Variants in RAP1B observed in about 807,000 individuals in gnomAD.
The protein encoded by RAP1B is ras-related protein Rap-1b.
Under a neutral mutation model 27.5 loss-of-function variants are expected in RAP1B, and 1 was observed. The ratio of observed to expected loss-of-function variants is 0.04; its 90% CI spans 0.01 to 0.17. RAP1B has a LOEUF of 0.17. RAP1B is among the 10% of genes least tolerant of loss of function. The pLI, the probability that RAP1B is intolerant of heterozygous loss-of-function variation, is 1.00. For missense variants in RAP1B, 84 were observed against 214.8 expected (o/e 0.39, Z 3.81); for synonymous variants, 75 against 73.1 (o/e 1.03, Z -0.13).
In RAP1B at chr12:68,662,687, A is replaced by G. The variant is rs1458820939; in HGVS notation, c.*3438A>G. ...GTGTTTTACAATTAATACTCTTACT[A>G]TTACCTTAGAAGCCTTAAAAGTGCT... On this transcript the variant is annotated 3_prime_UTR_variant, in exon 8 of 8. Transcript: ENST00000250559. The G allele has an allele frequency of 6.6e-6, 1 of 152,114 alleles. No homozygotes were observed. Among genetic ancestry groups the G allele is most frequent in the Non-Finnish European group, 1.5e-5 (1 of 68,022 alleles). The allele number at this position is 152,114 out of a possible 1,614,324, so 9.4% of individuals were successfully genotyped here.
intron 1 of RAP1B, among the ~76,000 whole-genome samples, chr12:68,639,543 A>G (rs1872846908): frequency 6.6e-6 from 1 of 152,192 alleles, no homozygotes; most frequent in Admixed American, 6.5e-5. Context: ...TGCTTCAGAG[A>G]CATTTCCTTG....
chr12:68,626,966 G>C, intron 1 of RAP1B: 1 of 1,520,808 alleles, frequency 6.6e-7, no homozygotes, highest in Admixed American at 1.7e-5. Flanking sequence ...CAGTCACCAT[G>C]TCTTCAAACT....
At chr12:68,613,995 AATT>A (rs1027538185) in intron 1 of RAP1B, among the ~76,000 whole-genome samples, 1 of 152,246 alleles carries the variant, frequency 6.6e-6, no homozygotes, top group African/African-American at 2.4e-5. Flanking sequence ...GCAAAGAATT[AATT>A]ATTAAAATAA....
chr12:68,620,443 G>T (rs959269103), intron 1 of RAP1B, among the ~76,000 whole-genome samples: 1 of 151,698 alleles, frequency 6.6e-6, no homozygotes, highest in African/African-American at 2.4e-5. Context: ...GGCTGGTCCC[G>T]AACTCCTGAC....
In RAP1B at chr12:68,661,481, C is replaced by G. The variant is rs1428519346; in HGVS notation, c.*2232C>G. 2 of 152,058 alleles carry G rather than the reference C, an allele frequency of 1.3e-5. No individual in the cohort carries two copies. Among genetic ancestry groups the G allele is most frequent in the African/African-American group, 2.4e-5 (1 of 41,380 alleles). The allele number at this position is 152,058 out of a possible 1,614,324, so 9.4% of individuals were successfully genotyped here. On this transcript the variant is annotated 3_prime_UTR_variant, in exon 8 of 8. Transcript: ENST00000250559. ...CTAGGCCTAAGGATGTAGCAGCAAC[C>G]AAGATCAACTATAAAATGCTGCCCT... is the stretch of plus-strand genomic sequence containing the variant.
At chr12:68,614,958 A>G (rs965210500) in intron 1 of RAP1B, among the ~76,000 whole-genome samples, 1 of 152,210 alleles carries the variant, frequency 6.6e-6, no homozygotes, top group African/African-American at 2.4e-5. Context: ...TTTGTATGTA[A>G]TCTGTTGTAC....
chr12:68,616,426 T>G (rs1054419663), intron 1 of RAP1B, among the ~76,000 whole-genome samples: 4 of 148,536 alleles, frequency 2.7e-5, no homozygotes, highest in African/African-American at 9.9e-5. Context: ...CTGGGAATAC[T>G]GTGCCTGGCT....
At chr12:68,655,462 C>T (rs564036753) in intron 5 of RAP1B, among the ~76,000 whole-genome samples, 2 of 151,542 alleles carry the variant, frequency 1.3e-5, no homozygotes, top group Non-Finnish European at 2.9e-5. Context: ...ATAATTACAG[C>T]AACCTCAGGG....
intron 1 of RAP1B, among the ~76,000 whole-genome samples, chr12:68,623,893 C>T (rs1031388996): frequency 2.0e-5 from 3 of 152,116 alleles, no homozygotes; most frequent in Non-Finnish European, 2.9e-5. Context: ...TGGTGGCGCA[C>T]GCCAGTAGTC....
At chr12:68,635,610 C>G (rs1668700434) in intron 1 of RAP1B, among the ~76,000 whole-genome samples, 1 of 152,104 alleles carries the variant, frequency 6.6e-6, no homozygotes, top group Non-Finnish European at 1.5e-5. Context: ...CGCCCGCCAC[C>G]TCACCCAGCC....
rs968111731 is a variant in RAP1B, at chr12:68,626,993, G to C, written c.-27+15950G>C. 8 of 1,549,238 alleles carry C rather than the reference G, an allele frequency of 5.2e-6. No individual in the cohort carries two copies. The South Asian group carries it at 8.9e-5, about 17-fold the overall frequency. The stretch of plus-strand genomic sequence containing the variant: ...CTTCAAACTCATTGGCATTGAACTT[G>C]GTGAAGCCCCACTTCTTTGAGATGT... On this transcript the variant is annotated intron_variant, in intron 1 of 7. Coordinates refer to ENST00000250559, the MANE Select transcript of RAP1B (RefSeq NM_001010942.3).
intron 1 of RAP1B, among the ~76,000 whole-genome samples, chr12:68,615,961 AT>A (rs2081352541): frequency 9.1e-6 from 1 of 109,372 alleles, no homozygotes; most frequent in Non-Finnish European, 1.9e-5. Flanking sequence ...CTAGTAAATA[AT>A]TTGGATTTTT....
At chr12:68,636,095 G>A (rs1206509565) in intron 1 of RAP1B, among the ~76,000 whole-genome samples, 2 of 151,594 alleles carry the variant, frequency 1.3e-5, no homozygotes, top group Non-Finnish European at 2.9e-5. Flanking sequence ...ATATTGGCCA[G>A]GCTGGTCGCA....
At chr12:68,626,750 G>T in intron 1 of RAP1B, 1 of 912,806 alleles carries the variant, frequency 1.1e-6, no homozygotes, top group Non-Finnish European at 1.7e-6. Context: ...GAAGAGGGAA[G>T]GTAGTATCAG....
intron 6 of RAP1B, 64 bp from the exon 7 acceptor site, chr12:68,657,037 A>T: frequency 2.2e-6 from 3 of 1,340,572 alleles, no homozygotes; most frequent in Admixed American, 3.9e-5. Context: ...TTTTCAATTT[A>T]CTTTTTTCAT....
intron 1 of RAP1B, among the ~76,000 whole-genome samples, chr12:68,629,569 T>C (rs1469826622): frequency 6.6e-6 from 1 of 152,230 alleles, no homozygotes; most frequent in Non-Finnish European, 1.5e-5. Context: ...ATGTGAAATA[T>C]ATTTTACCCA....
In RAP1B at chr12:68,664,485, A is replaced by C. The variant is rs1019813999; in HGVS notation, c.*5236A>C. ...TGCTTTGGGAGGCCGAGATGGGTGG[A>C]TCACTGGAAGCCAGGAGTTTGAGAC... On this transcript the variant is annotated 3_prime_UTR_variant, in exon 8 of 8. Transcript: ENST00000250559. 18 of 152,212 alleles carry C rather than the reference A, an allele frequency of 1.2e-4. No homozygotes were observed. The highest frequency in any genetic ancestry group is 1.2e-3 in the Admixed American group (18 of 15,274). 9.4% of individuals were successfully genotyped at this position (152,212 alleles called of 1,614,324 possible). A position where few individuals can be genotyped will look rare whatever the true frequency, so the allele number is the denominator to read the frequency against.
At position 68,663,888 on chromosome 12, in the gene RAP1B, A is replaced by C. The variant is rs1376983662; in HGVS notation, c.*4639A>C. 6.6e-6 allele frequency: 1 copy of C among 152,238 alleles called. No homozygotes were observed. The highest frequency in any genetic ancestry group is 1.5e-5 in the Non-Finnish European group (1 of 68,042). The allele number at this position is 152,238 out of a possible 1,614,324, so 9.4% of individuals were successfully genotyped here. A position where few individuals can be genotyped will look rare whatever the true frequency, so the allele number is the denominator to read the frequency against. On this transcript the variant is annotated 3_prime_UTR_variant, in exon 8 of 8. Coordinates refer to ENST00000250559, the MANE Select transcript of RAP1B (RefSeq NM_001010942.3). ...AAAGCTCTATTGGTAACAGTCTGTT[A>C]AACTTTCTAAGAGCTTTCCAACTTT...
At chr12:68,632,635 A>G (rs1943021291) in intron 1 of RAP1B, among the ~76,000 whole-genome samples, 1 of 152,100 alleles carries the variant, frequency 6.6e-6, no homozygotes, top group African/African-American at 2.4e-5. Flanking sequence ...GGTTTGGTTT[A>G]TGGTTAGTAG....
Sources: allele counts gnomAD v4.1 joint callset (sites outside exome capture counted in the v4.1 genomes callset), GRCh38; gene constraint gnomAD v4.1.1; transcripts MANE v1.5; gene names NCBI Gene and HGNC (gene_info 2026-07-23, HGNC 2026-07-21).